Variants in ASTN2 observed in about 807,000 individuals in gnomAD.
ASTN2 encodes the protein astrotactin-2.
In ASTN2, 54 loss-of-function variants were observed where a neutral mutation model predicts 139.8. The ratio of observed to expected loss-of-function variants is 0.39; its 90% CI spans 0.31 to 0.48. ASTN2 has a LOEUF of 0.48. Among genes scored for constraint, ASTN2 ranks in the 20% least tolerant of loss-of-function variants. The pLI is 0.95. For synonymous variants in ASTN2, 756 were observed against 719.5 expected, an observed-to-expected ratio of 1.05 and a Z score of -0.81; for missense variants, 1,565 against 1,725.1, an observed-to-expected ratio of 0.91 and a Z score of 1.64.
chr9:116,957,360 G>T (rs1490121758), intron 10 of ASTN2, among the ~76,000 whole-genome samples: 1 of 152,106 alleles, frequency 6.6e-6, no homozygotes, highest in Non-Finnish European at 1.5e-5. Flanking sequence ...GGGTCACATT[G>T]CTTCAAAACT....
intron 13 of ASTN2, among the ~76,000 whole-genome samples, chr9:116,770,195 C>T (rs1365370190): frequency 6.6e-6 from 1 of 151,868 alleles, no homozygotes; most frequent in East Asian, 1.9e-4. Context: ...AAGACCCAGC[C>T]GATATTGGAG....
At chr9:116,472,928 G>GAAA (rs71377245) in intron 20 of ASTN2, among the ~76,000 whole-genome samples, 7 of 130,824 alleles carry the variant, frequency 5.4e-5, no homozygotes, top group South Asian at 5.2e-4. Context: ...CTCTGTCTTG[G>GAAA]AAAAAAAAAA....
intron 19 of ASTN2, among the ~76,000 whole-genome samples, chr9:116,510,294 T>A (rs1340045616): frequency 1.3e-5 from 2 of 152,216 alleles, no homozygotes. Flanking sequence ...TCTTGTCAGG[T>A]TTGTCAAAGA....
At chr9:117,245,295 T>C (rs1022802228) in intron 2 of ASTN2, among the ~76,000 whole-genome samples, 2 of 152,200 alleles carry the variant, frequency 1.3e-5, no homozygotes, top group Non-Finnish European at 2.9e-5. Flanking sequence ...TTTGGGTGAA[T>C]GGATAATAAC....
chr9:116,748,892 C>T (rs1271652114), intron 13 of ASTN2, among the ~76,000 whole-genome samples: 2 of 152,114 alleles, frequency 1.3e-5, no homozygotes, highest in East Asian at 3.9e-4. Context: ...GCAAGTGTCC[C>T]CAAATGGCTC....
chr9:116,637,301 G>C (rs1321887132), intron 17 of ASTN2, among the ~76,000 whole-genome samples: 1 of 152,174 alleles, frequency 6.6e-6, no homozygotes, highest in East Asian at 1.9e-4. Flanking sequence ...CTGTCACTTA[G>C]AATTGGAGAG....
chr9:117,235,219 C>T (rs1206818692), intron 2 of ASTN2, among the ~76,000 whole-genome samples: 1 of 150,300 alleles, frequency 6.7e-6, no homozygotes, highest in Non-Finnish European at 1.5e-5. Context: ...AGGCCAATAA[C>T]AGCAAGACTC....
At chr9:116,898,729 G>A (rs969385128) in intron 10 of ASTN2, among the ~76,000 whole-genome samples, 1 of 152,132 alleles carries the variant, frequency 6.6e-6, no homozygotes, top group Non-Finnish European at 1.5e-5. Context: ...GAGTGCAGTG[G>A]CACGTTCACA....
intron 19 of ASTN2, among the ~76,000 whole-genome samples, chr9:116,591,166 G>A (rs990076120): frequency 1.3e-5 from 2 of 152,206 alleles, no homozygotes; most frequent in African/African-American, 2.4e-5. Flanking sequence ...AGGGAGCTCA[G>A]ACCTAGGAGC....
intron 16 of ASTN2, among the ~76,000 whole-genome samples, chr9:116,682,252 G>T (rs1048561072): frequency 1.1e-4 from 17 of 152,296 alleles, no homozygotes; most frequent in Admixed American, 6.5e-4. Flanking sequence ...AGACATTTAT[G>T]CAGCCAAAAA....
chr9:117,189,506 T>A (rs550291460), intron 3 of ASTN2, among the ~76,000 whole-genome samples: 1 of 152,338 alleles, frequency 6.6e-6, no homozygotes, highest in African/African-American at 2.4e-5. Flanking sequence ...CTCCCCTCCC[T>A]GGGTCTCTGT....
intron 16 of ASTN2, among the ~76,000 whole-genome samples, chr9:116,662,112 C>A (rs1858597633): frequency 6.6e-6 from 1 of 151,974 alleles, no homozygotes; most frequent in Non-Finnish European, 1.5e-5. Flanking sequence ...TGTGCTCCTG[C>A]AATTGAGTAC....
At chr9:116,706,662 A>C (rs2132088958) in intron 16 of ASTN2, among the ~76,000 whole-genome samples, 1 of 152,178 alleles carries the variant, frequency 6.6e-6, no homozygotes, top group East Asian at 1.9e-4. Flanking sequence ...GGGATGACTA[A>C]ACACTTTATG....
chr9:117,365,653 G>A (rs942220181), intron 1 of ASTN2, among the ~76,000 whole-genome samples: 4 of 152,176 alleles, frequency 2.6e-5, no homozygotes, highest in African/African-American at 9.7e-5. Flanking sequence ...ACCAGGAAGT[G>A]CAACCCAAGC....
chr9:116,547,946 T>C (rs1852172041), intron 19 of ASTN2, among the ~76,000 whole-genome samples: 1 of 152,008 alleles, frequency 6.6e-6, no homozygotes. Context: ...GCGGGAGGCA[T>C]ACACTCCCAA....
intron 6 of ASTN2, among the ~76,000 whole-genome samples, chr9:117,011,179 A>T (rs894712345): frequency 6.6e-6 from 1 of 152,222 alleles, no homozygotes; most frequent in Non-Finnish European, 1.5e-5. Context: ...GATTTCTCTC[A>T]ATTATGAGAA....
intron 6 of ASTN2, among the ~76,000 whole-genome samples, chr9:117,025,798 CT>C (rs111710831): frequency 0.13 from 18,752 of 144,172 alleles, 3,266 homozygotes; most frequent in African/African-American, 0.4. Context: ...CTTTTCTTTT[CT>C]TTTTTTTTTT....
chr9:116,598,000 A>C (rs1343502223), intron 19 of ASTN2, among the ~76,000 whole-genome samples: 2 of 152,146 alleles, frequency 1.3e-5, no homozygotes, highest in Non-Finnish European at 2.9e-5. Flanking sequence ...GTTCTCTTAC[A>C]ATCTTGCCTT....
At chr9:116,719,306 G>A (rs543815958) in intron 16 of ASTN2, among the ~76,000 whole-genome samples, 26 of 152,142 alleles carry the variant, frequency 1.7e-4, no homozygotes, top group Non-Finnish European at 3.5e-4. Context: ...AGAAACTAAG[G>A]TACAAAGGGA....
Sources: gnomAD v4.1 joint callset for allele counts (sites outside exome capture counted in the v4.1 genomes callset) on GRCh38, gnomAD v4.1.1 for gene constraint, MANE v1.5 for transcripts, NCBI Gene and HGNC (gene_info 2026-07-23, HGNC 2026-07-21) for gene names.